The following NOTCH2 variants were observed in gnomAD, a reference collection of about 807,000 sequenced individuals.
The protein encoded by NOTCH2 is neurogenic locus notch homolog protein 2.
A neutral mutation model predicts 235.8 loss-of-function variants in NOTCH2; 29 were observed. That is an observed-to-expected ratio of 0.12 (90% CI 0.09 to 0.17). The LOEUF (loss-of-function observed/expected upper bound fraction) is 0.17, where lower values mean the gene tolerates loss of function less well. NOTCH2 is among the 10% of genes least tolerant of loss of function. The pLI is 1.00. For synonymous variants in NOTCH2, 1,086 were observed against 1,141.5 expected (o/e 0.95, Z 0.98); for missense variants, 2,285 against 3,150.2 (o/e 0.73, Z 6.57).
chr1:119,916,580 C>G lies in NOTCH2; in HGVS notation c.6142G>C (p.Asp2048His), dbSNP rs2101144966. The G allele has an allele frequency of 6.2e-7, 1 of 1,614,156 alleles. No individual in the cohort carries two copies. Reference sequence around the variant, plus strand: ...TGGTGCATGCGATCCCGAGCCACATCCCGGGGAAGACGATCCATATGGTCT... The same window carrying G: ...TGGTGCATGCGATCCCGAGCCACATGCCGGGGAAGACGATCCATATGGTCT... ...ITDHMDRLPR[D>H]VARDRMHHDI... The change falls in exon 34 of 34, where the codon GAT becomes CAT. Residue 2048 changes from aspartate to histidine, a missense_variant. Physicochemically the swap from Asp to His is moderately conservative, Grantham distance 81 (BLOSUM62 -1). This residue lies in a region of NOTCH2 where 128 missense variants were observed against 255.9 expected (regional missense o/e 0.50). Transcript: ENST00000256646.
Position 120,002,844 on chromosome 1 carries a change from C to T in NOTCH2, c.415+2485G>A, listed in dbSNP as rs1309617814. ...TTTCAGCTGGGGACTGGTGTGTTTCCGGATGTATGAAGAATAGTTGTACTA... is the reference window on the plus strand; with the variant it reads ...TTTCAGCTGGGGACTGGTGTGTTTCTGGATGTATGAAGAATAGTTGTACTA... On this transcript the variant is annotated intron_variant, in intron 3 of 33. Coordinates refer to ENST00000256646, the MANE Select transcript of NOTCH2 (RefSeq NM_024408.4). Among the ~76,000 whole-genome samples the T allele has an allele frequency of 7.6e-4, 112 of 148,230 alleles. 1 individual carries two copies. The highest frequency in any genetic ancestry group is 2.6e-3 in the Admixed American group (39 of 15,074).
chr1:119,919,384 G>A lies in NOTCH2; in HGVS notation c.5709C>T (p.Ala1903=). The A allele has an allele frequency of 6.2e-7, 1 of 1,613,664 alleles. No homozygotes were observed. The highest frequency in any genetic ancestry group is 1.7e-5 in the Admixed American group (1 of 60,028). Reference sequence around the variant, plus strand: ...AGCGGCCCATGTTGTCCTGGGCATTGGCATCTGCACCTGCATCCAGGAGAC... The same window carrying A: ...AGCGGCCCATGTTGTCCTGGGCATTAGCATCTGCACCTGCATCCAGGAGAC... The part of the protein sequence containing the change: ...AKRLLDAGAD[A]NAQDNMGRCP... The change falls in exon 31 of 34, where the codon GCC becomes GCT. Residue 1903 remains alanine, a synonymous_variant. Transcript: ENST00000256646.
At position 119,911,621 on chromosome 1, in the gene NOTCH2, A is replaced by G. The variant is rs1329947931; in HGVS notation, c.*3685T>C. On this transcript the variant is annotated 3_prime_UTR_variant, in exon 34 of 34. Coordinates refer to ENST00000256646, the MANE Select transcript of NOTCH2 (RefSeq NM_024408.4). ...ATGTGAACTTATAACAAATTTATAC[A>G]CAAAATATTATTTTATAATCCTGTA... The G allele has an allele frequency of 4.3e-6, 1 of 232,386 alleles. No homozygotes were observed. The highest frequency in any genetic ancestry group is 8.5e-6 in the Non-Finnish European group (1 of 117,570). 14.4% of individuals were successfully genotyped at this position (232,386 alleles called of 1,614,324 possible).
Position 119,995,772 on chromosome 1 carries a change from T to C in NOTCH2, c.751+1225A>G, listed in dbSNP as rs1345893427. On this transcript the variant is annotated intron_variant, in intron 4 of 33. Transcript: ENST00000256646. ...ATTTCAATTATGTGACAATGCTTTG[T>C]ATAGCTGTATTCCAAATACATAGCA... The C allele has an allele frequency of 3.3e-5, 5 of 152,250 alleles. No homozygotes were observed. In the East Asian group the frequency reaches 9.6e-4, roughly 29 times the overall value. 9.4% of individuals were successfully genotyped at this position (152,250 alleles called of 1,614,324 possible).
At chr1:119,960,142 G>A (rs901780580) in intron 11 of NOTCH2, among the ~76,000 whole-genome samples, 7 of 152,140 alleles carry the variant, frequency 4.6e-5, no homozygotes, top group African/African-American at 1.7e-4. Context: ...TCAGAATTGA[G>A]TATTTAGCAA....
intron 29 of NOTCH2, 46 bp from the exon 30 acceptor site, chr1:119,920,443 A>G: frequency 3.1e-6 from 5 of 1,608,226 alleles, no homozygotes; most frequent in Non-Finnish European, 3.4e-6. Flanking sequence ...CCACCACCAG[A>G]AACTGCTAAT....
In NOTCH2 at chr1:119,921,368, TAGA is replaced by T. The variant is rs587638083; in HGVS notation, c.5310+342_5310+344del. On this transcript the variant is annotated intron_variant, in intron 29 of 33. Coordinates refer to ENST00000256646, the MANE Select transcript of NOTCH2 (RefSeq NM_024408.4). ...CACTGCTTAATTTCATCTTCTCTTA[TAGA>T]AGAAGTGCCCATAAAGGATAAGGAA... Among the ~76,000 whole-genome samples, 27 of 152,320 alleles carry T rather than the reference TAGA, an allele frequency of 1.8e-4. No homozygotes were observed. The East Asian group carries it at 3.1e-3, about 17-fold the overall frequency.
intron 15 of NOTCH2, 55 bp downstream of exon 15, chr1:119,950,669 G>T: frequency 8.6e-7 from 1 of 1,159,112 alleles, no homozygotes; most frequent in Non-Finnish European, 1.3e-6. Context: ...CTCAGGCACT[G>T]ACAAAGCAAG....
chr1:119,918,278 T>TG, intron 32 of NOTCH2, 128 bp downstream of exon 32: 1 of 1,050,404 alleles, frequency 9.5e-7, no homozygotes, highest in Non-Finnish European at 1.5e-6. Flanking sequence ...AATGCATGAA[T>TG]GAAAGAATGA....
intron 17 of NOTCH2, among the ~76,000 whole-genome samples, chr1:119,944,453 C>T (rs1469651664): frequency 6.7e-6 from 1 of 149,940 alleles, no homozygotes; most frequent in East Asian, 2.0e-4. Flanking sequence ...AAGAATGGCG[C>T]AAACCCAGGA....
At chr1:119,917,315 G>GA (rs950189355) in intron 33 of NOTCH2, among the ~76,000 whole-genome samples, 13 of 150,874 alleles carry the variant, frequency 8.6e-5, no homozygotes, top group African/African-American at 3.2e-4. Flanking sequence ...TCCAAGGACA[G>GA]AAAAAAAAGC....
At position 119,997,261 on chromosome 1, in the gene NOTCH2, C is replaced by T. The variant is rs782563564; in HGVS notation, c.487G>A (p.Ala163Thr). Reference sequence around the variant, plus strand: ...AGGCATTTGCAGGAGAACTGGTTGGCCACAGTGGTACAGGTACTTCCATTT... The same window carrying T: ...AGGCATTTGCAGGAGAACTGGTTGGTCACAGTGGTACAGGTACTTCCATTT... ...CANGSTCTTVANQFSCKCLTG... is the reference protein window; with the variant it reads ...CANGSTCTTVTNQFSCKCLTG... The change falls in exon 4 of 34, where the codon GCC becomes ACC. Residue 163 changes from alanine to threonine, a missense_variant. Ala to Thr is a moderately conservative substitution (Grantham distance 58). This residue lies in a region of NOTCH2 where 431 missense variants were observed against 757.8 expected (regional missense o/e 0.57). Coordinates refer to ENST00000256646, the MANE Select transcript of NOTCH2 (RefSeq NM_024408.4). 10 of 1,613,876 alleles carry T rather than the reference C, an allele frequency of 6.2e-6. No individual in the cohort carries two copies. Among genetic ancestry groups the T allele is most frequent in the Non-Finnish European group, 5.9e-6 (7 of 1,179,872 alleles).
chr1:119,934,859 T>C (rs1649790514), intron 22 of NOTCH2, among the ~76,000 whole-genome samples: 1 of 152,138 alleles, frequency 6.6e-6, no homozygotes, highest in Non-Finnish European at 1.5e-5. Flanking sequence ...AAAAGCAGTG[T>C]CAATGTCCAC....
In NOTCH2 at chr1:119,948,226, C is replaced by G. The variant is rs587718645; in HGVS notation, c.2752+188G>C. Among the ~76,000 whole-genome samples, 4 of 152,246 alleles carry G rather than the reference C, an allele frequency of 2.6e-5. No homozygotes were observed. In the East Asian group the frequency reaches 7.7e-4, roughly 29 times the overall value. On this transcript the variant is annotated intron_variant, in intron 17 of 33. Coordinates refer to ENST00000256646, the MANE Select transcript of NOTCH2 (RefSeq NM_024408.4). ...TAAAGGGAATGCTTAAAATATATTC[C>G]ACTGCCTCAATTCCCAAGGACACTA...
intron 4 of NOTCH2, chr1:119,995,905 A>G (rs1177407976): frequency 6.6e-6 from 1 of 152,298 alleles, no homozygotes; most frequent in African/African-American, 2.4e-5. Context: ...AATCTCTCCA[A>G]AATAAAACAC....
At chr1:120,000,532 C>CAAAA (rs1183950511) in intron 3 of NOTCH2, among the ~76,000 whole-genome samples, 1 of 35,582 alleles carries the variant, frequency 2.8e-5, no homozygotes, top group African/African-American at 1.3e-4. Flanking sequence ...TACTCCATCT[C>CAAAA]AAAAAAAAAA....
In NOTCH2 at chr1:119,968,367, T is replaced by G. The variant is rs1651230309; in HGVS notation, c.1109-135A>C. 9 of 988,748 alleles carry G rather than the reference T, an allele frequency of 9.1e-6. No homozygotes were observed. The Admixed American group carries it at 1.8e-4, about 20-fold the overall frequency. The allele number at this position is 988,748 out of a possible 1,614,324, so 61.2% of individuals were successfully genotyped here. On this transcript the variant is annotated intron_variant, in intron 6 of 33. Coordinates refer to ENST00000256646, the MANE Select transcript of NOTCH2 (RefSeq NM_024408.4). ...AACATGGAGATTTATACGCAACTTCTGCTTTGCCTGACCCTACCTTGGGGA... is the reference window on the plus strand; with the variant it reads ...AACATGGAGATTTATACGCAACTTCGGCTTTGCCTGACCCTACCTTGGGGA...
At chr1:119,927,206 TAAAG>T (rs1649504773) in intron 23 of NOTCH2, among the ~76,000 whole-genome samples, 1 of 152,102 alleles carries the variant, frequency 6.6e-6, no homozygotes. Context: ...TGCTCCAAGA[TAAAG>T]AACGAGGCAA....
chr1:119,920,242 A>G lies in NOTCH2; in HGVS notation c.5466T>C (p.Asn1822=). Residue 1822 remains asparagine (N), a synonymous_variant, in exon 30 of 34, where the codon AAT becomes AAC. Coordinates refer to ENST00000256646, the MANE Select transcript of NOTCH2 (RefSeq NM_024408.4). ...AEQEVDVLDV[N]VRGPDGCTPL... is the part of the protein sequence containing the mutation. ...CCCGGTGCTGACCTGGGCCACGGAC[A>G]TTCACATCTAACACATCCACCTCCT... is the stretch of plus-strand genomic sequence containing the variant. 2 of 1,614,138 alleles carry G rather than the reference A, an allele frequency of 1.2e-6. No homozygotes were observed. The highest frequency in any genetic ancestry group is 1.7e-6 in the Non-Finnish European group (2 of 1,180,018).
Sources: allele counts gnomAD v4.1 joint callset (sites outside exome capture counted in the v4.1 genomes callset), GRCh38; gene constraint gnomAD v4.1.1; regional missense constraint gnomAD v4.1.1; transcripts MANE v1.5; gene names NCBI Gene and HGNC (gene_info 2026-07-23, HGNC 2026-07-21).